Variants in CAPRIN1 observed in about 807,000 individuals in gnomAD.
CAPRIN1 encodes caprin-1.
CAPRIN1 carries 29 observed loss-of-function variants against 100.9 expected under a neutral mutation model. The observed-to-expected ratio is 0.29, with a 90% CI of 0.21 to 0.39. The LOEUF is 0.39. CAPRIN1 is among the 10% of genes least tolerant of loss of function. The probability of loss-of-function intolerance (pLI) is 1.00; values close to 1 mark genes in which losing one functional copy is unlikely to be tolerated. For missense variants in CAPRIN1, 795 were observed against 876.7 expected (o/e 0.91, Z 1.18); for synonymous variants, 338 against 307.5 (o/e 1.10, Z -1.04).
intron 2 of CAPRIN1, chr11:34,063,078 A>T (rs1281442440): frequency 6.6e-6 from 1 of 152,202 alleles, no homozygotes; most frequent in Non-Finnish European, 1.5e-5. Context: ...GACATCTATC[A>T]TGGATATCCC....
intron 3 of CAPRIN1, 38 bp downstream of exon 3, chr11:34,071,826 C>A: frequency 6.3e-7 from 1 of 1,581,026 alleles, no homozygotes; most frequent in Non-Finnish European, 8.7e-7. Flanking sequence ...ACCTAATGCT[C>A]ACTATTTTAA....
At chr11:34,053,955 A>G (rs1278404808) in intron 2 of CAPRIN1, among the ~76,000 whole-genome samples, 1 of 152,224 alleles carries the variant, frequency 6.6e-6, no homozygotes, top group African/African-American at 2.4e-5. Flanking sequence ...ACATATTTAT[A>G]ACATCTTGAA....
At chr11:34,061,295 C>A (rs113897841) in intron 2 of CAPRIN1, among the ~76,000 whole-genome samples, 4,343 of 150,706 alleles carry the variant, frequency 0.029, 109 homozygotes, top group Non-Finnish European at 0.039. Flanking sequence ...CAACCTCTGC[C>A]TCCCAGGTTC....
At chr11:34,056,073 T>C (rs1850443538) in intron 2 of CAPRIN1, among the ~76,000 whole-genome samples, 1 of 152,200 alleles carries the variant, frequency 6.6e-6, no homozygotes, top group Non-Finnish European at 1.5e-5. Flanking sequence ...TAGGATTGCT[T>C]TACAAATCAG....
At position 34,097,191 on chromosome 11, in the gene CAPRIN1, T is replaced by A; in HGVS notation, c.1901-5T>A. 1 of 1,598,248 alleles carries A rather than the reference T, an allele frequency of 6.3e-7. No homozygotes were observed. Among genetic ancestry groups the A allele is most frequent in the South Asian group, 1.1e-5 (1 of 89,878 alleles). ...AATTATTTCTTTTCTTGTCCTAAAT[T>A]TTAGGAGGATATGATGGTTACCGCC... On this transcript the variant is annotated splice_region_variant and splice_polypyrimidine_tract_variant and intron_variant, in intron 16 of 18. Transcript: ENST00000341394.
chr11:34,089,958 G>A (rs1452586600), intron 12 of CAPRIN1: 1 of 301,250 alleles, frequency 3.3e-6, no homozygotes, highest in Non-Finnish European at 6.1e-6. Flanking sequence ...CTTTTATAAC[G>A]AGACTTGGGT....
intron 2 of CAPRIN1, among the ~76,000 whole-genome samples, chr11:34,065,492 C>G (rs1046765535): frequency 6.6e-6 from 1 of 152,168 alleles, no homozygotes; most frequent in East Asian, 1.9e-4. Flanking sequence ...TGGGGTAGTG[C>G]CTGAGAATTT....
Position 34,082,988 on chromosome 11 carries a change from T to C in CAPRIN1, c.913T>C (p.Phe305Leu), listed in dbSNP as rs1243389742. ...TAGACAGTTCATGGCAGAAACACAGTTCACCAGTGGTGAAAAGGAGCAGGT... is the reference window on the plus strand; with the variant it reads ...TAGACAGTTCATGGCAGAAACACAGCTCACCAGTGGTGAAAAGGAGCAGGT... ...VNRQFMAETQ[F>L]TSGEKEQVDE... The change falls in exon 9 of 19, where the codon TTC becomes CTC. Residue 305 changes from phenylalanine (F) to leucine (L), a missense_variant. Coordinates refer to ENST00000341394, the MANE Select transcript of CAPRIN1 (RefSeq NM_005898.5). The C allele has an allele frequency of 6.2e-7, 1 of 1,614,148 alleles. No individual in the cohort carries two copies. Among genetic ancestry groups the C allele is most frequent in the Non-Finnish European group, 8.5e-7 (1 of 1,179,978 alleles).
In CAPRIN1 at chr11:34,090,275, A is replaced by G. The variant is rs558671763; in HGVS notation, c.1390A>G (p.Ile464Val). ...ATEQRPQKEP[I>V]DQIQATISLN... ...AGAGCAACGACCACAGAAGGAACCA[A>G]TTGATCAGATTCAGGCAAGTTCTGT... Residue 464 changes from isoleucine (I) to valine (V), a missense_variant, in exon 13 of 19, where the codon ATT (isoleucine) becomes GTT (valine). By Grantham distance (29) the Ile-to-Val change is conservative (BLOSUM62 3). Transcript: ENST00000341394. 211 of 1,612,562 alleles carry G rather than the reference A, an allele frequency of 1.3e-4. No homozygotes were observed. In the South Asian group the frequency reaches 2.0e-3, roughly 16 times the overall value.
intron 1 of CAPRIN1, 39 bp from the exon 2 acceptor site, chr11:34,052,382 T>G: frequency 6.5e-7 from 1 of 1,548,614 alleles, no homozygotes; most frequent in South Asian, 1.1e-5. Context: ...GCTCTTGTCC[T>G]TCCTCCCGCT....
chr11:34,052,888 C>G (rs1850358040), intron 2 of CAPRIN1: 5 of 1,361,842 alleles, frequency 3.7e-6, no homozygotes, highest in Non-Finnish European at 4.7e-6. Flanking sequence ...TATTACTCTT[C>G]CGCTGTGGGT....
chr11:34,083,594 T>G (rs915524124), intron 9 of CAPRIN1, among the ~76,000 whole-genome samples: 1 of 152,266 alleles, frequency 6.6e-6, no homozygotes, highest in Admixed American at 6.5e-5. Context: ...TTACTTGTAC[T>G]TGAGGCTCTC....
intron 1 of CAPRIN1, 117 bp from the exon 2 acceptor site, chr11:34,052,304 G>T: frequency 1.2e-6 from 1 of 863,694 alleles, no homozygotes; most frequent in South Asian, 1.6e-5. Flanking sequence ...TCCCCCACCC[G>T]CTCGCGTAGG....
intron 15 of CAPRIN1, among the ~76,000 whole-genome samples, chr11:34,094,548 C>T (rs1412285410): frequency 6.6e-6 from 1 of 152,076 alleles, no homozygotes; most frequent in Non-Finnish European, 1.5e-5. Context: ...TGGTGGCTCA[C>T]GCCTGTAATC....
chr11:34,096,743 T>C (rs1851374674), intron 16 of CAPRIN1, 70 bp downstream of exon 16: 2 of 1,209,126 alleles, frequency 1.7e-6, no homozygotes, highest in Admixed American at 2.4e-5. Flanking sequence ...TTGTAAAATA[T>C]ATCACACAGT....
At chr11:34,081,815 T>C (rs1851036347) in intron 7 of CAPRIN1, among the ~76,000 whole-genome samples, 1 of 151,534 alleles carries the variant, frequency 6.6e-6, no homozygotes, top group Non-Finnish European at 1.5e-5. Flanking sequence ...GAATTCTTTT[T>C]TGTGGGGGAC....
intron 18 of CAPRIN1, chr11:34,098,826 T>A: frequency 1.0e-6 from 1 of 984,314 alleles, no homozygotes; most frequent in South Asian, 4.7e-5. Flanking sequence ...TTGAATGTTA[T>A]GTAGTTTCTT....
At chr11:34,074,822 C>G (rs1380311324) in intron 4 of CAPRIN1, among the ~76,000 whole-genome samples, 1 of 152,176 alleles carries the variant, frequency 6.6e-6, no homozygotes, top group East Asian at 1.9e-4. Context: ...TGTCAGTGAG[C>G]CAAGATCGTG....
chr11:34,059,079 C>G (rs942965369), intron 2 of CAPRIN1, among the ~76,000 whole-genome samples: 2 of 152,146 alleles, frequency 1.3e-5, no homozygotes, highest in African/African-American at 2.4e-5. Flanking sequence ...CTTTCACTAG[C>G]TCTACTACAG....
Sources: gnomAD v4.1 joint callset for allele counts (sites outside exome capture counted in the v4.1 genomes callset) on GRCh38, gnomAD v4.1.1 for gene constraint, MANE v1.5 for transcripts, NCBI Gene and HGNC (gene_info 2026-07-23, HGNC 2026-07-21) for gene names.